ATP10A: variants seen among roughly 807,000 people sequenced by gnomAD.
The protein encoded by ATP10A is phospholipid-transporting ATPase VA.
ATP10A carries 111 observed loss-of-function variants against 147.8 expected under a neutral mutation model. The ratio of observed to expected loss-of-function variants is 0.75; its 90% confidence interval spans 0.64 to 0.88. ATP10A has a LOEUF of 0.88. Ranked by LOEUF, ATP10A falls within the 40% of genes least tolerant of loss-of-function variation. The pLI is 0.00. For synonymous variants in ATP10A, 875 were observed against 841.6 expected, an observed-to-expected ratio of 1.04 and a Z score of -0.69; for missense variants, 1,927 against 1,959.0, an observed-to-expected ratio of 0.98 and a Z score of 0.31.
At chr15:25,787,939 C>G (rs1890244999) in intron 1 of ATP10A, among the ~76,000 whole-genome samples, 1 of 152,138 alleles carries the variant, frequency 6.6e-6, no homozygotes, top group Non-Finnish European at 1.5e-5. Flanking sequence ...CTGCCCTCCC[C>G]CAGGATCACC....
chr15:25,675,225 G>A (rs981584444), downstream of ATP10A, among the ~76,000 whole-genome samples: 2 of 152,162 alleles, frequency 1.3e-5, no homozygotes, highest in Middle Eastern at 3.2e-3. Context: ...ACTTTCCAGC[G>A]AAGGCCTCCA....
At chr15:25,692,367 C>G (rs545804076) in intron 14 of ATP10A, among the ~76,000 whole-genome samples, 2 of 152,272 alleles carry the variant, frequency 1.3e-5, no homozygotes, top group East Asian at 3.9e-4. Context: ...GAACACAGAG[C>G]ATGGTCAGAT....
chr15:25,787,760 C>T (rs1256887246), intron 1 of ATP10A, among the ~76,000 whole-genome samples: 1 of 152,110 alleles, frequency 6.6e-6, no homozygotes, highest in Non-Finnish European at 1.5e-5. Context: ...TTCCAATGTG[C>T]AAACAACTGG....
At chr15:25,794,390 T>G (rs1890571064) in intron 1 of ATP10A, among the ~76,000 whole-genome samples, 1 of 152,004 alleles carries the variant, frequency 6.6e-6, no homozygotes, top group Non-Finnish European at 1.5e-5. Flanking sequence ...TCTGGAAATA[T>G]CTCCAAAAAA....
chr15:25,700,099 G>C (rs1900578333), intron 13 of ATP10A, among the ~76,000 whole-genome samples: 3 of 152,044 alleles, frequency 2.0e-5, no homozygotes, highest in Admixed American at 6.6e-5. Context: ...CATCCAAGAG[G>C]ATATTTGAAT....
At chr15:25,798,252 C>A (rs1423415927) in intron 1 of ATP10A, among the ~76,000 whole-genome samples, 1 of 152,126 alleles carries the variant, frequency 6.6e-6, no homozygotes, top group Non-Finnish European at 1.5e-5. Context: ...GGAGGCGAAT[C>A]AACACTCTGG....
At chr15:25,753,935 C>A (rs1888286106) in intron 2 of ATP10A, among the ~76,000 whole-genome samples, 1 of 152,034 alleles carries the variant, frequency 6.6e-6, no homozygotes, top group Admixed American at 6.5e-5. Flanking sequence ...CACCACCACA[C>A]TTAGCTAATT....
intron 1 of ATP10A, among the ~76,000 whole-genome samples, chr15:25,823,624 T>C (rs1891983986): frequency 6.6e-6 from 1 of 152,218 alleles, no homozygotes; most frequent in Non-Finnish European, 1.5e-5. Context: ...GTACAATTTA[T>C]TCACAGCACC....
chr15:25,826,360 G>C (rs952369251), intron 1 of ATP10A, among the ~76,000 whole-genome samples: 9 of 152,200 alleles, frequency 5.9e-5, no homozygotes, highest in Admixed American at 6.5e-5. Flanking sequence ...ATGAGTTTGA[G>C]ACCAACCTGA....
At chr15:25,792,953 C>T (rs1890501718) in intron 1 of ATP10A, among the ~76,000 whole-genome samples, 1 of 151,674 alleles carries the variant, frequency 6.6e-6, no homozygotes, top group African/African-American at 2.4e-5. Flanking sequence ...TCACCGCAAC[C>T]TCCACCTCCC....
chr15:25,752,971 A>G (rs993994102), intron 2 of ATP10A, among the ~76,000 whole-genome samples: 12 of 152,148 alleles, frequency 7.9e-5, no homozygotes, highest in African/African-American at 2.9e-4. Context: ...TAAACTAATC[A>G]TTTATAATTG....
intron 1 of ATP10A, among the ~76,000 whole-genome samples, chr15:25,794,441 C>T (rs1158510065): frequency 6.6e-6 from 1 of 152,014 alleles, no homozygotes; most frequent in Non-Finnish European, 1.5e-5. Context: ...TGCAAATATC[C>T]CTAAATTGTA....
intron 1 of ATP10A, among the ~76,000 whole-genome samples, chr15:25,832,706 A>T (rs1470814292): frequency 6.6e-6 from 1 of 152,204 alleles, no homozygotes; most frequent in Non-Finnish European, 1.5e-5. Context: ...ATGTTACTGG[A>T]TACTAAACTA....
In ATP10A at chr15:25,860,629, G is replaced by A. The variant is rs191204155; in HGVS notation, c.449+2019C>T. ...GTAAGGAAGAAGACAGAGTCTGAGG[G>A]AGAGTTAAGATATCTGGAGTCAAGG... is the stretch of plus-strand genomic sequence containing the variant. On this transcript the variant is annotated intron_variant, in intron 1 of 20. Coordinates refer to ENST00000555815, the MANE Select transcript of ATP10A (RefSeq NM_024490.4). 3.4e-4 allele frequency among the ~76,000 whole-genome samples: 52 copies of A among 152,318 alleles called. 1 individual carries two copies. In the East Asian group the frequency reaches 8.9e-3, roughly 26 times the overall value.
intron 1 of ATP10A, among the ~76,000 whole-genome samples, chr15:25,845,328 G>GTGTT (rs36014791): frequency 0.39 from 53,540 of 136,546 alleles, 11,670 homozygotes; most frequent in East Asian, 0.52. Context: ...GTGTTTGTGT[G>GTGTT]TGTGTGTGTG....
intron 3 of ATP10A, among the ~76,000 whole-genome samples, chr15:25,728,336 A>G (rs1292492491): frequency 6.6e-6 from 1 of 152,188 alleles, no homozygotes. Flanking sequence ...CAAGTCAGTT[A>G]TTTACCAACA....
chr15:25,800,117 C>T lies in ATP10A; in HGVS notation c.450-18894G>A, dbSNP rs895667622. Among the ~76,000 whole-genome samples the T allele has an allele frequency of 2.5e-4, 38 of 152,236 alleles. 1 individual carries two copies. The highest frequency in any genetic ancestry group is 7.9e-4 in the African/African-American group (33 of 41,548). ...ATCAAGTGCAAAACGCAAGGGTGCA[C>T]GCAACAGCTCAGGGATCAGGATGAA... On this transcript the variant is annotated intron_variant, in intron 1 of 20. Coordinates refer to ENST00000555815, the MANE Select transcript of ATP10A (RefSeq NM_024490.4).
At chr15:25,799,117 A>G (rs1056047660) in intron 1 of ATP10A, among the ~76,000 whole-genome samples, 2 of 152,098 alleles carry the variant, frequency 1.3e-5, no homozygotes, top group East Asian at 3.9e-4. Context: ...TTCACATCCT[A>G]ACTCGGGGGC....
At chr15:25,730,356 G>GCAA (rs1902903911) in intron 3 of ATP10A, among the ~76,000 whole-genome samples, 2 of 692 alleles carry the variant, frequency 2.9e-3, no homozygotes, top group Non-Finnish European at 0.12. Flanking sequence ...AAGGAAGGAA[G>GCAA]GAAGGACAGG....
Sources: allele counts gnomAD v4.1 joint callset (sites outside exome capture counted in the v4.1 genomes callset), GRCh38; gene constraint gnomAD v4.1.1; transcripts MANE v1.5; gene names NCBI Gene and HGNC (gene_info 2026-07-23, HGNC 2026-07-21).